The following TOP1MT variants were observed in gnomAD, a reference collection of about 807,000 sequenced individuals.
The protein encoded by TOP1MT is DNA topoisomerase I mitochondrial.
A neutral mutation model predicts 73.9 loss-of-function variants in TOP1MT; 80 were observed. The observed-to-expected ratio is 1.08, with a 90% CI of 0.90 to 1.30. The LOEUF (loss-of-function observed/expected upper bound fraction) is 1.30, where lower values mean the gene tolerates loss of function less well. Ranked by LOEUF, TOP1MT falls within the 50% of genes most tolerant of loss-of-function variation. The probability of loss-of-function intolerance (pLI) is 0.00; values close to 1 mark genes in which losing one functional copy is unlikely to be tolerated. For missense variants in TOP1MT, 815 were observed against 808.0 expected, an observed-to-expected ratio of 1.01 and a Z score of -0.10; for synonymous variants, 338 against 326.4, an observed-to-expected ratio of 1.04 and a Z score of -0.38.
intron 10 of TOP1MT, among the ~76,000 whole-genome samples, chr8:143,316,866 G>A (rs554241634): frequency 2.0e-5 from 3 of 152,270 alleles, no homozygotes; most frequent in Non-Finnish European, 4.4e-5. Context: ...GCCCGGCCTC[G>A]GCCCCTATGC....
At chr8:143,342,050 A>G (rs1018602987) in intron 2 of TOP1MT, among the ~76,000 whole-genome samples, 1 of 141,992 alleles carries the variant, frequency 7.0e-6, no homozygotes, top group Non-Finnish European at 1.5e-5. Flanking sequence ...TGTTATTATT[A>G]TTATTAGAGA....
chr8:143,339,596 T>C (rs1817039404), upstream of TOP1MT, among the ~76,000 whole-genome samples: 1 of 152,192 alleles, frequency 6.6e-6, no homozygotes, highest in African/African-American at 2.4e-5. Context: ...AGCTCAAAGC[T>C]GCCGATGCAA....
chr8:143,310,379 G>T lies in TOP1MT; in HGVS notation c.1554-162C>A. 5.3e-6 allele frequency: 3 copies of T among 566,592 alleles called. No homozygotes were observed. The South Asian group carries it at 9.5e-5, about 18-fold the overall frequency. 35.1% of individuals were successfully genotyped at this position (566,592 alleles called of 1,614,324 possible). On this transcript the variant is annotated intron_variant, in intron 12 of 13. Coordinates refer to ENST00000329245, the MANE Select transcript of TOP1MT (RefSeq NM_052963.3). ...CAAAAGACCAGCCGGGATCAAAGGT[G>T]GAAGCTCAGCCCCACCCCAGCTGCC... is the stretch of plus-strand genomic sequence containing the variant.
rs1334175362 is a variant in TOP1MT at position 143,310,064 on chromosome 8, G to C, written c.1703+4C>G. On this transcript the variant is annotated splice_donor_region_variant and intron_variant, in intron 13 of 13. Transcript: ENST00000329245. ...GTGGGAACTGAGACCCCAGGCACAC[G>C]CACCAGGCAATGCTGATCCTGGGGT... The C allele has an allele frequency of 6.2e-7, 1 of 1,611,390 alleles. No individual in the cohort carries two copies. The highest frequency in any genetic ancestry group is 8.5e-7 in the Non-Finnish European group (1 of 1,179,856).
chr8:143,337,937 G>A (rs114958944), upstream of TOP1MT, among the ~76,000 whole-genome samples: 1,446 of 152,202 alleles, frequency 9.5e-3, 19 homozygotes, highest in African/African-American at 0.032. Context: ...CGGTGCATGC[G>A]GCCCCAGTTA....
Position 143,318,075 on chromosome 8 carries a change from G to C in TOP1MT, c.1158C>G (p.Asn386Lys), listed in dbSNP as rs779204425. 1 of 1,614,114 alleles carries C rather than the reference G, an allele frequency of 6.2e-7. No homozygotes were observed. The highest frequency in any genetic ancestry group is 1.7e-5 in the Admixed American group (1 of 60,026). The change falls in exon 9 of 14, where the codon AAC becomes AAG. Residue 386 changes from asparagine to lysine, a missense_variant. Physicochemically the swap from Asn to Lys is moderately conservative, Grantham distance 94. Transcript: ENST00000329245. ...RVPVEKPVYK[N>K]LQLFMENKDP... ...CCTTGTTCTCCATAAAGAGCTGTAAGTTCTTGTACACCTGAAGGAGAAAGA... is the reference window on the plus strand; with the variant it reads ...CCTTGTTCTCCATAAAGAGCTGTAACTTCTTGTACACCTGAAGGAGAAAGA...
In TOP1MT at chr8:143,329,298, C is replaced by T. The variant is rs369650032; in HGVS notation, c.360+52G>A. ...AGAGGCAGCACTGCAGAACCGCAGA[C>T]GCCTAGCCAGCCAGGTCCAGGACAG... On this transcript the variant is annotated intron_variant, in intron 3 of 13. Transcript: ENST00000329245. 2,425 of 1,530,722 alleles carry T rather than the reference C, an allele frequency of 1.6e-3. 2 individuals carry two copies. Among genetic ancestry groups the T allele is most frequent in the Non-Finnish European group, 2.0e-3 (2,283 of 1,146,166 alleles). The allele number at this position is 1,530,722 out of a possible 1,614,324, so 94.8% of individuals were successfully genotyped here.
At chr8:143,326,980 G>A (rs1816725176) in intron 3 of TOP1MT, among the ~76,000 whole-genome samples, 1 of 152,122 alleles carries the variant, frequency 6.6e-6, no homozygotes, top group Non-Finnish European at 1.5e-5. Context: ...ACAGTGGAGG[G>A]GACAGAAGGA....
intron 3 of TOP1MT, chr8:143,328,149 A>T (rs1281143231): frequency 2.3e-6 from 1 of 429,682 alleles, no homozygotes; most frequent in Non-Finnish European, 4.6e-6. Flanking sequence ...TTTGCAAATC[A>T]TATTTCTGAT....
intron 1 of TOP1MT, 28 bp from the exon 2 acceptor site, chr8:143,331,367 C>A: frequency 1.3e-6 from 2 of 1,587,310 alleles, no homozygotes; most frequent in Non-Finnish European, 1.7e-6. Context: ...ACGTGTCACT[C>A]TCCTGGGCCA....
At chr8:143,326,448 C>A in intron 3 of TOP1MT, 104 bp from the exon 4 acceptor site, 1 of 1,500,296 alleles carries the variant, frequency 6.7e-7, no homozygotes. Flanking sequence ...CCATGTCCGA[C>A]GGAGGCGTGT....
upstream of TOP1MT, chr8:143,334,984 G>A: frequency 9.0e-7 from 1 of 1,107,788 alleles, no homozygotes; most frequent in Non-Finnish European, 1.1e-6. Context: ...TCATCCCAAG[G>A]CTGGGCGGTC....
At chr8:143,313,833 C>T (rs1212651102) in intron 12 of TOP1MT, among the ~76,000 whole-genome samples, 2 of 148,474 alleles carry the variant, frequency 1.3e-5, no homozygotes, top group African/African-American at 5.0e-5. Flanking sequence ...CCAGCCTTGG[C>T]GACAGAGCAA....
rs1189392048 is a variant in TOP1MT at position 143,321,192 on chromosome 8, G to A, written c.1146+9C>T. On this transcript the variant is annotated intron_variant, in intron 8 of 13. Transcript: ENST00000329245. ...ACATAGCGGGGGCAGCTGGCGCGAG[G>A]GCACTCACCGGCTTCTCCACCGGCA... 17 of 1,581,882 alleles carry A rather than the reference G, an allele frequency of 1.1e-5. 1 individual carries two copies. Among genetic ancestry groups the A allele is most frequent in the South Asian group, 4.5e-5 (4 of 88,600 alleles).
intron 7 of TOP1MT, 128 bp downstream of exon 7, chr8:143,323,871 A>AC (rs368352504): frequency 4.0e-4 from 405 of 1,018,898 alleles, no homozygotes; most frequent in Middle Eastern, 6.4e-4. Flanking sequence ...ACATGCACAC[A>AC]CCCCCCCCAT....
intron 12 of TOP1MT, among the ~76,000 whole-genome samples, chr8:143,313,178 T>A (rs1044477215): frequency 6.6e-6 from 1 of 152,240 alleles, no homozygotes; most frequent in Non-Finnish European, 1.5e-5. Context: ...TCTATCTTCA[T>A]GGCCTTGGGT....
At chr8:143,315,180 T>C (rs1398456394) in intron 12 of TOP1MT, among the ~76,000 whole-genome samples, 1 of 152,192 alleles carries the variant, frequency 6.6e-6, no homozygotes, top group African/African-American at 2.4e-5. Flanking sequence ...TCAGTCAGGC[T>C]CGCCCGCAGT....
chr8:143,339,788 C>A (rs1817042082), upstream of TOP1MT, among the ~76,000 whole-genome samples: 1 of 124,020 alleles, frequency 8.1e-6, no homozygotes, highest in African/African-American at 3.0e-5. Flanking sequence ...GCTCCCAGCG[C>A]TGATCTACAC....
At chr8:143,347,233 C>A (rs1817239497), upstream of TOP1MT, among the ~76,000 whole-genome samples, 1 of 152,150 alleles carries the variant, frequency 6.6e-6, no homozygotes, top group Non-Finnish European at 1.5e-5. Context: ...CTGCTCACTG[C>A]AAGTTCTGCC....
Sources: allele counts gnomAD v4.1 joint callset (sites outside exome capture counted in the v4.1 genomes callset), GRCh38; gene constraint gnomAD v4.1.1; transcripts MANE v1.5; gene names NCBI Gene and HGNC (gene_info 2026-07-23, HGNC 2026-07-21).